Variants in SCCPDH observed in about 807,000 individuals in gnomAD.
SCCPDH encodes the protein saccharopine dehydrogenase (putative).
Under a neutral mutation model 51.5 loss-of-function variants are expected in SCCPDH, and 34 were observed. The ratio of observed to expected loss-of-function variants is 0.66; its 90% CI spans 0.50 to 0.88. The LOEUF is 0.88. SCCPDH is among the 40% of genes least tolerant of loss of function. The pLI, the probability that SCCPDH is intolerant of heterozygous loss-of-function variation, is 0.00. For missense variants in SCCPDH, 464 were observed against 527.1 expected, an observed-to-expected ratio of 0.88 and a Z score of 1.17; for synonymous variants, 187 against 191.3, an observed-to-expected ratio of 0.98 and a Z score of 0.19.
At chr1:246,730,849 G>A (rs1423093815) in intron 2 of SCCPDH, among the ~76,000 whole-genome samples, 1 of 151,852 alleles carries the variant, frequency 6.6e-6, no homozygotes, top group Non-Finnish European at 1.5e-5. Context: ...ACTTGAGGTC[G>A]GGAGTTTGAG....
chr1:246,755,582 A>G (rs143341342), intron 5 of SCCPDH: 3 of 152,440 alleles, frequency 2.0e-5, no homozygotes, highest in Admixed American at 6.5e-5. Context: ...CTGCTTTGGA[A>G]TTAGGCACAC....
At chr1:246,758,150 C>A in intron 5 of SCCPDH, 76 bp from the exon 6 acceptor site, 2 of 1,067,244 alleles carry the variant, frequency 1.9e-6, no homozygotes, top group Non-Finnish European at 2.7e-6. Flanking sequence ...TTGTTTGTAA[C>A]AATGATAAGT....
chr1:246,746,060 A>T (rs1668753887), intron 5 of SCCPDH, among the ~76,000 whole-genome samples: 1 of 145,580 alleles, frequency 6.9e-6, no homozygotes, highest in Non-Finnish European at 1.5e-5. Flanking sequence ...GTGAGCCAAG[A>T]TCGCACCGCT....
chr1:246,729,356 C>T (rs938745334), intron 2 of SCCPDH, among the ~76,000 whole-genome samples: 15 of 144,306 alleles, frequency 1.0e-4, no homozygotes, highest in African/African-American at 3.7e-4. Context: ...TATTTCATCC[C>T]TTATCTTCAA....
At chr1:246,725,423 C>G (rs1342561399) in intron 1 of SCCPDH, among the ~76,000 whole-genome samples, 1 of 152,184 alleles carries the variant, frequency 6.6e-6, no homozygotes, top group Non-Finnish European at 1.5e-5. Context: ...ACGGATCCTG[C>G]TGCCTTCATG....
chr1:246,737,208 T>G (rs777316418), intron 3 of SCCPDH, among the ~76,000 whole-genome samples: 1 of 146,626 alleles, frequency 6.8e-6, no homozygotes, highest in Non-Finnish European at 1.5e-5. Flanking sequence ...ATTACAAAAA[T>G]TGATTCAAAA....
chr1:246,759,415 C>T (rs1668980290), intron 7 of SCCPDH, among the ~76,000 whole-genome samples: 1 of 152,128 alleles, frequency 6.6e-6, no homozygotes, highest in African/African-American at 2.4e-5. Context: ...GTCATAAGCA[C>T]CCCAGAATCC....
Position 246,766,079 on chromosome 1 carries a change from C to A in SCCPDH, c.1124C>A (p.Pro375His), listed in dbSNP as rs138145232. ...KGPEAGYVAT[P>H]IAMVQAAMTL... The stretch of plus-strand genomic sequence containing the variant: ...GCAGAGGCTGGCTATGTGGCTACCC[C>A]CATAGCTATGGTTCAGGCAGCCATG... The change falls in exon 11 of 12, where the codon CCC becomes CAC. Residue 375 changes from proline (P) to histidine (H), a missense_variant. Physicochemically the swap from Pro to His is moderately conservative, Grantham distance 77 (BLOSUM62 -2). Transcript: ENST00000366510. 12 of 1,612,522 alleles carry A rather than the reference C, an allele frequency of 7.4e-6. No homozygotes were observed. The highest frequency in any genetic ancestry group is 1.0e-5 in the Non-Finnish European group (12 of 1,178,942).
intron 3 of SCCPDH, among the ~76,000 whole-genome samples, chr1:246,739,042 AGT>A (rs201653622): frequency 2.1e-3 from 324 of 151,610 alleles, no homozygotes; most frequent in Admixed American, 5.2e-3. Flanking sequence ...TGCATGAGCA[AGT>A]GTGTGTGTGT....
chr1:246,760,674 C>T (rs970182255), intron 9 of SCCPDH, among the ~76,000 whole-genome samples: 5 of 152,146 alleles, frequency 3.3e-5, no homozygotes, highest in African/African-American at 1.2e-4. Context: ...TCCAGCATCC[C>T]CAACAATAGG....
intron 2 of SCCPDH, among the ~76,000 whole-genome samples, chr1:246,733,919 A>G (rs1324690878): frequency 6.6e-6 from 1 of 152,242 alleles, no homozygotes; most frequent in Non-Finnish European, 1.5e-5. Context: ...AAATCCTATC[A>G]GTGAGCAACT....
intron 6 of SCCPDH, 86 bp from the exon 7 acceptor site, chr1:246,758,948 C>G (rs1252227354): frequency 2.4e-6 from 2 of 823,100 alleles, no homozygotes; most frequent in African/African-American, 3.4e-5. Flanking sequence ...GCCACCATGC[C>G]CTGCCACTGA....
intron 5 of SCCPDH, among the ~76,000 whole-genome samples, chr1:246,753,185 G>A (rs2102988274): frequency 6.6e-6 from 1 of 152,066 alleles, no homozygotes; most frequent in East Asian, 1.9e-4. Context: ...CCTGGAGAGT[G>A]GGGGTCTAGG....
At chr1:246,744,798 T>A (rs1218708103) in intron 5 of SCCPDH, among the ~76,000 whole-genome samples, 1 of 151,186 alleles carries the variant, frequency 6.6e-6, no homozygotes, top group Non-Finnish European at 1.5e-5. Context: ...TTTTTTTTTT[T>A]CTTTTTCAGT....
In SCCPDH at chr1:246,750,992, C is replaced by T. The variant is rs530721024; in HGVS notation, c.564+6867C>T. ...GACTGCGTCACACATGGCGTGGGGC[C>T]CCCAGTGGGTCCCTTGACGCAGCTG... On this transcript the variant is annotated intron_variant, in intron 5 of 11. Transcript: ENST00000366510. 2.5e-4 allele frequency among the ~76,000 whole-genome samples: 38 copies of T among 152,354 alleles called. 1 individual carries two copies. The South Asian group carries it at 7.5e-3, about 30-fold the overall frequency.
chr1:246,764,479 A>T, intron 10 of SCCPDH, 122 bp downstream of exon 10: 1 of 511,206 alleles, frequency 2.0e-6, no homozygotes, highest in Non-Finnish European at 3.3e-6. Context: ...TGTACAAATT[A>T]AGTAACTTAA....
rs759869678 is a variant in SCCPDH, at chr1:246,758,329, C to T, written c.668C>T (p.Pro223Leu). The T allele has an allele frequency of 2.5e-5, 40 of 1,605,378 alleles. No homozygotes were observed. The highest frequency in any genetic ancestry group is 1.7e-4 in the Middle Eastern group (1 of 6,036). The change falls in exon 6 of 12, where the codon CCG (proline) becomes CTG (leucine). Residue 223 changes from proline (P) to leucine (L), a missense_variant. Pro to Leu is a moderately conservative substitution (Grantham distance 98). Transcript: ENST00000366510. ...AATGTATCAAATCTGAAACCTGTCC[C>T]GCTCATTGGTCCAAAATTGAAGAGA... ...LRNVSNLKPV[P>L]LIGPKLKRRW...
chr1:246,748,107 G>A (rs546945858), intron 5 of SCCPDH, among the ~76,000 whole-genome samples: 169 of 151,770 alleles, frequency 1.1e-3, no homozygotes, highest in African/African-American at 3.9e-3. Context: ...TTTGCTGCTC[G>A]ACTTTATCCT....
intron 2 of SCCPDH, among the ~76,000 whole-genome samples, chr1:246,730,081 C>T (rs1668469606): frequency 6.6e-6 from 1 of 152,170 alleles, no homozygotes; most frequent in Non-Finnish European, 1.5e-5. Flanking sequence ...TCCAACTACT[C>T]TACTTTTTGT....
Sources: allele counts gnomAD v4.1 joint callset (sites outside exome capture counted in the v4.1 genomes callset), GRCh38; gene constraint gnomAD v4.1.1; transcripts MANE v1.5; gene names NCBI Gene and HGNC (gene_info 2026-07-23, HGNC 2026-07-21).